Variants in TRAK2 observed in about 807,000 individuals in gnomAD.
TRAK2 encodes trafficking kinesin protein 2.
A neutral mutation model predicts 104.6 loss-of-function variants in TRAK2; 81 were observed. That is an observed-to-expected ratio of 0.77 (90% CI 0.65 to 0.93). TRAK2 has a LOEUF of 0.93. TRAK2 is among the 40% of genes least tolerant of loss of function. The probability of loss-of-function intolerance (pLI) is 0.00; values close to 1 mark genes in which losing one functional copy is unlikely to be tolerated. For missense variants in TRAK2, 1,002 were observed against 1,089.0 expected (o/e 0.92, Z 1.12); for synonymous variants, 406 against 394.4 (o/e 1.03, Z -0.35).
chr2:201,412,611 A>G, intron 2 of TRAK2: 1 of 1,541,784 alleles, frequency 6.5e-7, no homozygotes, highest in East Asian at 2.3e-5. Flanking sequence ...TGTATTCAGG[A>G]GGCAAATATT....
intron 1 of TRAK2, among the ~76,000 whole-genome samples, chr2:201,430,678 A>G (rs1413355800): frequency 6.6e-6 from 1 of 152,132 alleles, no homozygotes; most frequent in Non-Finnish European, 1.5e-5. Context: ...ACTGTTGGAA[A>G]AGCGCAGTAC....
rs1403582898 is a variant in TRAK2 at position 201,415,516 on chromosome 2, G to C, written c.91+4901C>G. ...TTTAAGGGGAAAATATGAACGTAAT[G>C]GAAAGAGAAACAGAAGATATGCCTG... On this transcript the variant is annotated intron_variant, in intron 2 of 15. Transcript: ENST00000332624. 1.3e-5 allele frequency among the ~76,000 whole-genome samples: 2 copies of C among 151,962 alleles called. 1 individual carries two copies.
intron 6 of TRAK2, chr2:201,397,818 G>C (rs956126259): frequency 1.8e-5 from 10 of 551,836 alleles, no homozygotes; most frequent in Non-Finnish European, 3.2e-5. Context: ...GTGATTTTCT[G>C]AGATAGTTCT....
chr2:201,412,177 G>T, intron 2 of TRAK2: 2 of 973,046 alleles, frequency 2.1e-6, no homozygotes, highest in South Asian at 1.3e-5. Flanking sequence ...CCATGTCAGG[G>T]TTTACAAATT....
intron 15 of TRAK2, 101 bp downstream of exon 15, chr2:201,384,010 T>G: frequency 1.3e-6 from 1 of 771,100 alleles, no homozygotes; most frequent in Non-Finnish European, 2.2e-6. Context: ...AGAACATTAA[T>G]TAACATTCTG....
chr2:201,442,408 GCAGAGAGCAGAGATTTGACGCTTGGA>G (rs1951933168), intron 1 of TRAK2, among the ~76,000 whole-genome samples: 1 of 151,818 alleles, frequency 6.6e-6, no homozygotes, highest in African/African-American at 2.4e-5. Context: ...AAAGAAAAGG[GCAGAGAGCAGAGATTTGACGCTTGGA>G]CCCCAAACAT....
intron 1 of TRAK2, among the ~76,000 whole-genome samples, chr2:201,438,725 A>G (rs1406774659): frequency 6.6e-6 from 1 of 152,056 alleles, no homozygotes; most frequent in Non-Finnish European, 1.5e-5. Context: ...GAAGAAGAAG[A>G]AAAAAAACAA....
chr2:201,392,886 T>C (rs1385922199), intron 10 of TRAK2, 23 bp downstream of exon 10: 11 of 1,600,990 alleles, frequency 6.9e-6, no homozygotes, highest in Non-Finnish European at 9.4e-6. Context: ...TTTAAATACA[T>C]AGCATCTTTC....
chr2:201,430,838 A>G (rs895111399), intron 1 of TRAK2, among the ~76,000 whole-genome samples: 4 of 152,202 alleles, frequency 2.6e-5, no homozygotes, highest in African/African-American at 7.2e-5. Flanking sequence ...CCACTGTCCA[A>G]CAAGCCCCAG....
intron 1 of TRAK2, among the ~76,000 whole-genome samples, chr2:201,426,077 A>C (rs1951785448): frequency 6.6e-6 from 1 of 152,184 alleles, no homozygotes; most frequent in African/African-American, 2.4e-5. Flanking sequence ...AGGGGTCCCC[A>C]ACTCCTGTGC....
intron 1 of TRAK2, among the ~76,000 whole-genome samples, chr2:201,444,655 TA>T (rs1403721929): frequency 6.6e-6 from 1 of 151,232 alleles, no homozygotes; most frequent in Non-Finnish European, 1.5e-5. Flanking sequence ...ATATTTGTAA[TA>T]ATATACAAAA....
intron 2 of TRAK2, chr2:201,412,585 C>G (rs1356452724): frequency 1.4e-6 from 2 of 1,427,226 alleles, no homozygotes; most frequent in Non-Finnish European, 2.0e-6. Context: ...GACTGTTTCA[C>G]AGCTCACATA....
chr2:201,391,848 C>A (rs549303825), intron 10 of TRAK2, among the ~76,000 whole-genome samples: 1 of 151,922 alleles, frequency 6.6e-6, no homozygotes, highest in South Asian at 2.1e-4. Context: ...ACAAAAGTCA[C>A]GAAAGAGAAA....
At chr2:201,384,998 T>C (rs1951376158) in intron 14 of TRAK2, among the ~76,000 whole-genome samples, 3 of 152,130 alleles carry the variant, frequency 2.0e-5, no homozygotes, top group African/African-American at 7.2e-5. Context: ...CTATAGTAAT[T>C]CAGACTTGGG....
chr2:201,412,761 T>G, intron 2 of TRAK2: 2 of 1,303,286 alleles, frequency 1.5e-6, no homozygotes, highest in Non-Finnish European at 2.2e-6. Flanking sequence ...TATTCAAAAT[T>G]GTATTTTCAG....
At chr2:201,425,761 AAG>A (rs201928453) in intron 1 of TRAK2, among the ~76,000 whole-genome samples, 4 of 151,564 alleles carry the variant, frequency 2.6e-5, no homozygotes, top group Non-Finnish European at 5.9e-5. Flanking sequence ...AAGAGAGAAA[AAG>A]AGAGAGAGAG....
chr2:201,445,605 T>A (rs1437018896), intron 1 of TRAK2, among the ~76,000 whole-genome samples: 1 of 152,184 alleles, frequency 6.6e-6, no homozygotes, highest in East Asian at 1.9e-4. Context: ...GATGTAAGAT[T>A]TAAGTGGACT....
At chr2:201,393,168 T>C (rs1298940580) in intron 9 of TRAK2, 122 bp from the exon 10 acceptor site, 2 of 893,932 alleles carry the variant, frequency 2.2e-6, no homozygotes, top group Admixed American at 5.7e-5. Context: ...TTTATGAATA[T>C]CATTTCAATA....
chr2:201,427,346 C>T (rs1340861255), intron 1 of TRAK2, among the ~76,000 whole-genome samples: 1 of 148,536 alleles, frequency 6.7e-6, no homozygotes, highest in Non-Finnish European at 1.5e-5. Flanking sequence ...AAAACAGGCC[C>T]TGGTATGTGA....
Sources: gnomAD v4.1 joint callset for allele counts (sites outside exome capture counted in the v4.1 genomes callset) on GRCh38, gnomAD v4.1.1 for gene constraint, MANE v1.5 for transcripts, NCBI Gene and HGNC (gene_info 2026-07-23, HGNC 2026-07-21) for gene names.